Variants in SNTG2 observed in about 807,000 individuals in gnomAD.
SNTG2 encodes the protein syntrophin gamma 2.
A neutral mutation model predicts 70.9 loss-of-function variants in SNTG2; 74 were observed. That is an observed-to-expected ratio of 1.04 (90% CI 0.86 to 1.27). The LOEUF (loss-of-function observed/expected upper bound fraction) is 1.27. Ranked by LOEUF, SNTG2 falls within the 50% of genes most tolerant of loss-of-function variation. SNTG2 has a pLI of 0.00. For missense variants in SNTG2, 717 were observed against 690.7 expected (o/e 1.04, Z -0.43); for synonymous variants, 278 against 273.8 (o/e 1.02, Z -0.15).
At chr2:1,209,003 G>A in intron 8 of SNTG2, 100 bp from the exon 9 acceptor site, 1 of 1,435,614 alleles carries the variant, frequency 7.0e-7, no homozygotes, top group Non-Finnish European at 9.5e-7. Context: ...GTTGAAATGT[G>A]TTGGACTTGA....
intron 16 of SNTG2, among the ~76,000 whole-genome samples, chr2:1,362,110 T>C (rs78162901): frequency 0.018 from 452 of 24,970 alleles, no homozygotes; most frequent in East Asian, 0.052. Flanking sequence ...TGAAAGTCAC[T>C]GATGCTGAGC....
intron 14 of SNTG2, among the ~76,000 whole-genome samples, chr2:1,283,570 A>C (rs909960894): frequency 3.9e-5 from 6 of 152,164 alleles, no homozygotes; most frequent in Non-Finnish European, 7.4e-5. Context: ...TGTGTCCAGG[A>C]CACCGTTCAC....
intron 16 of SNTG2, among the ~76,000 whole-genome samples, chr2:1,317,572 G>T (rs113820583): frequency 5.8e-3 from 134 of 23,296 alleles, no homozygotes; most frequent in South Asian, 0.015. Flanking sequence ...TCTGGAGCAT[G>T]TAGCATGAGG....
At chr2:1,268,595 T>C (rs1473452530) in intron 14 of SNTG2, among the ~76,000 whole-genome samples, 1 of 152,242 alleles carries the variant, frequency 6.6e-6, no homozygotes, top group African/African-American at 2.4e-5. Context: ...TATGGTTGAT[T>C]CCTGATGCTT....
intron 14 of SNTG2, among the ~76,000 whole-genome samples, chr2:1,287,959 T>TGGAGCACCTGAGGG (rs11274784): frequency 6.6e-6 from 1 of 151,606 alleles, no homozygotes; most frequent in Non-Finnish European, 1.5e-5. Context: ...GGACCCGGGG[T>TGGAGCACCTGAGGG]GGAGCACCTG....
chr2:1,073,864 C>T (rs548012568), intron 1 of SNTG2, among the ~76,000 whole-genome samples: 11 of 152,110 alleles, frequency 7.2e-5, no homozygotes, highest in Admixed American at 2.0e-4. Flanking sequence ...ATGTTAAAAG[C>T]GTGTCTCAGT....
chr2:1,072,532 G>A (rs1663646631), intron 1 of SNTG2, among the ~76,000 whole-genome samples: 1 of 151,806 alleles, frequency 6.6e-6, no homozygotes, highest in South Asian at 2.1e-4. Context: ...AGAAAAAAAA[G>A]ATATCTTTCA....
In SNTG2 at chr2:959,650, G is replaced by A. The variant is rs528200324; in HGVS notation, c.72+8582G>A. Among the ~76,000 whole-genome samples, 14 of 150,806 alleles carry A rather than the reference G, an allele frequency of 9.3e-5. 1 individual carries two copies. The South Asian group carries it at 1.5e-3, about 16-fold the overall frequency. ...CTTGGGCTGAATGGAGAAGGTGAAC[G>A]GAGCAGACCAGTGTCACAGAATTGC... On this transcript the variant is annotated intron_variant, in intron 1 of 16. Coordinates refer to ENST00000308624, the MANE Select transcript of SNTG2 (RefSeq NM_018968.4).
intron 2 of SNTG2, among the ~76,000 whole-genome samples, chr2:1,093,226 A>T (rs1665151988): frequency 6.6e-6 from 1 of 152,138 alleles, no homozygotes; most frequent in Admixed American, 6.5e-5. Context: ...TTTAAGGGGT[A>T]TGTACTGGGA....
chr2:1,235,960 T>C (rs952732028), intron 9 of SNTG2, among the ~76,000 whole-genome samples: 1 of 152,196 alleles, frequency 6.6e-6, no homozygotes, highest in African/African-American at 2.4e-5. Context: ...TGTGTGTGTG[T>C]CCTGTAGCTC....
At chr2:1,317,086 A>G (rs1312618712) in intron 16 of SNTG2, among the ~76,000 whole-genome samples, 1 of 91,106 alleles carries the variant, frequency 1.1e-5, no homozygotes, top group African/African-American at 3.9e-5. Context: ...ATTCTGGAGC[A>G]TTTAGCATCA....
intron 1 of SNTG2, among the ~76,000 whole-genome samples, chr2:1,027,105 T>G (rs1207128724): frequency 6.6e-6 from 1 of 152,148 alleles, no homozygotes; most frequent in Non-Finnish European, 1.5e-5. Context: ...TCCATGTGCT[T>G]CTTGCACACC....
rs201312672 is a variant in SNTG2 at position 1,098,260 on chromosome 2, A to T, written c.267+8A>T. 2.8e-5 allele frequency: 45 copies of T among 1,613,864 alleles called. 1 individual carries two copies. The South Asian group carries it at 4.6e-4, about 17-fold the overall frequency. Reference sequence around the variant, plus strand: ...TTGGGCCTGAGTATAAAGGTATGGAAATGGTTTTCTCTATTCCTGCTTTTT... The same window carrying T: ...TTGGGCCTGAGTATAAAGGTATGGATATGGTTTTCTCTATTCCTGCTTTTT... On this transcript the variant is annotated splice_region_variant and intron_variant, in intron 3 of 16. Transcript: ENST00000308624.
intron 14 of SNTG2, among the ~76,000 whole-genome samples, chr2:1,274,885 A>T (rs963318573): frequency 3.9e-5 from 6 of 152,190 alleles, no homozygotes; most frequent in African/African-American, 1.4e-4. Flanking sequence ...TAGGTAATTT[A>T]TAAAGGAAAA....
chr2:1,211,145 C>A (rs991092255), intron 9 of SNTG2, among the ~76,000 whole-genome samples: 11 of 152,258 alleles, frequency 7.2e-5, no homozygotes, highest in African/African-American at 2.6e-4. Flanking sequence ...AGTTCGTGCT[C>A]TAACTGTGAA....
chr2:1,231,092 A>AG (rs1676205743), intron 9 of SNTG2, among the ~76,000 whole-genome samples: 1 of 149,070 alleles, frequency 6.7e-6, no homozygotes. Context: ...TACTTAGGAT[A>AG]ATGACAGTGC....
At chr2:982,666 G>A (rs1282874182) in intron 1 of SNTG2, among the ~76,000 whole-genome samples, 2 of 152,268 alleles carry the variant, frequency 1.3e-5, no homozygotes, top group Non-Finnish European at 2.9e-5. Flanking sequence ...TCTGAAAGAA[G>A]CAGCGTGGAC....
chr2:1,087,029 G>T (rs569653405), intron 2 of SNTG2, among the ~76,000 whole-genome samples: 1 of 152,254 alleles, frequency 6.6e-6, no homozygotes, highest in Non-Finnish European at 1.5e-5. Context: ...GTGGCCTGGG[G>T]TTGCTGACAT....
chr2:1,008,107 T>G (rs1186314921), intron 1 of SNTG2, among the ~76,000 whole-genome samples: 1 of 152,228 alleles, frequency 6.6e-6, no homozygotes, highest in East Asian at 1.9e-4. Flanking sequence ...ATCTTGGCAT[T>G]TATTTAAAAG....
Sources: gnomAD v4.1 joint callset for allele counts (sites outside exome capture counted in the v4.1 genomes callset) on GRCh38, gnomAD v4.1.1 for gene constraint, MANE v1.5 for transcripts, NCBI Gene and HGNC (gene_info 2026-07-23, HGNC 2026-07-21) for gene names.